Variants in AUTS2 observed in about 807,000 individuals in gnomAD.
AUTS2 encodes the protein autism susceptibility gene 2 protein.
Under a neutral mutation model 112.4 loss-of-function variants are expected in AUTS2, and 17 were observed. The ratio of observed to expected loss-of-function variants is 0.15; its 90% confidence interval spans 0.10 to 0.23. The LOEUF (loss-of-function observed/expected upper bound fraction) is 0.23. Ranked by LOEUF, AUTS2 falls within the 10% of genes least tolerant of loss-of-function variation. AUTS2 has a pLI of 1.00. For missense variants in AUTS2, 1,510 were observed against 1,701.6 expected (o/e 0.89, Z 1.98); for synonymous variants, 751 against 702.7 (o/e 1.07, Z -1.09).
At chr7:69,701,406 C>T (rs933526250) in intron 1 of AUTS2, among the ~76,000 whole-genome samples, 1 of 152,148 alleles carries the variant, frequency 6.6e-6, no homozygotes, top group Non-Finnish European at 1.5e-5. Flanking sequence ...TTTGAGTGCT[C>T]AGCAAGTGCC....
chr7:70,268,166 T>C (rs1787525545), intron 4 of AUTS2, among the ~76,000 whole-genome samples: 1 of 152,194 alleles, frequency 6.6e-6, no homozygotes, highest in South Asian at 2.1e-4. Flanking sequence ...CCTTGAAGAC[T>C]AGAGCATGGG....
intron 2 of AUTS2, among the ~76,000 whole-genome samples, chr7:70,048,117 A>G (rs1257106135): frequency 6.6e-6 from 1 of 152,178 alleles, no homozygotes; most frequent in Non-Finnish European, 1.5e-5. Context: ...GGGATTTCCA[A>G]ACACCTTAGC....
intron 5 of AUTS2, among the ~76,000 whole-genome samples, chr7:70,693,803 A>T (rs1179407907): frequency 6.6e-6 from 1 of 152,122 alleles, no homozygotes; most frequent in Admixed American, 6.5e-5. Flanking sequence ...AACTGCGGGG[A>T]GGGCGAGGAG....
Position 69,944,557 on chromosome 7 carries a change from G to A in AUTS2, c.522+45059G>A, listed in dbSNP as rs558414163. 8.5e-5 allele frequency among the ~76,000 whole-genome samples: 13 copies of A among 152,222 alleles called. No individual in the cohort carries two copies. The South Asian group carries it at 2.7e-3, about 32-fold the overall frequency. On this transcript the variant is annotated intron_variant, in intron 2 of 18. Transcript: ENST00000342771. The stretch of plus-strand genomic sequence containing the variant: ...ATCTTTGAATTTCACTATAGTAACC[G>A]AGTTACAAAATGGGCCACTGGGTCT...
At chr7:69,876,426 TTATA>T (rs1793783314) in intron 1 of AUTS2, among the ~76,000 whole-genome samples, 1 of 105,582 alleles carries the variant, frequency 9.5e-6, no homozygotes, top group Non-Finnish European at 1.9e-5. Flanking sequence ...TATTTTATAT[TTATA>T]TATATTTTGA....
chr7:70,606,586 C>T (rs38301), intron 5 of AUTS2, among the ~76,000 whole-genome samples: 7,222 of 152,172 alleles, frequency 0.047, 221 homozygotes, highest in Non-Finnish European at 0.067. Flanking sequence ...TGGGGCCAGA[C>T]GTGGTGGCTC....
chr7:69,965,740 A>T (rs1026792545), intron 2 of AUTS2, among the ~76,000 whole-genome samples: 1 of 152,086 alleles, frequency 6.6e-6, no homozygotes, highest in Non-Finnish European at 1.5e-5. Flanking sequence ...TTTGGTGTGA[A>T]TTCCATAGAC....
intron 4 of AUTS2, among the ~76,000 whole-genome samples, chr7:70,386,197 T>C (rs1793599363): frequency 6.6e-6 from 1 of 152,186 alleles, no homozygotes; most frequent in African/African-American, 2.4e-5. Context: ...CCCTGGGCCA[T>C]CTGTCTAAAA....
At chr7:70,728,707 CAAAAAAAAAAA>C (rs55878540) in intron 6 of AUTS2, among the ~76,000 whole-genome samples, 2 of 81,628 alleles carry the variant, frequency 2.5e-5, no homozygotes, top group Non-Finnish European at 4.7e-5. Context: ...GACTCTGTCT[CAAAAAAAAAAA>C]AAAAAAAAAA....
chr7:70,195,449 C>T (rs1810122837), intron 4 of AUTS2, among the ~76,000 whole-genome samples: 1 of 152,092 alleles, frequency 6.6e-6, no homozygotes. Flanking sequence ...GAGTTCAAGA[C>T]CAGCCTGGCC....
At chr7:70,729,558 G>C (rs1585584432) in intron 6 of AUTS2, among the ~76,000 whole-genome samples, 1 of 152,216 alleles carries the variant, frequency 6.6e-6, no homozygotes, top group Non-Finnish European at 1.5e-5. Flanking sequence ...GTAGGACCCA[G>C]GTCTTACTCT....
intron 5 of AUTS2, among the ~76,000 whole-genome samples, chr7:70,588,492 A>T (rs1365507830): frequency 6.6e-6 from 1 of 152,166 alleles, no homozygotes; most frequent in African/African-American, 2.4e-5. Context: ...AAAGAAACAG[A>T]GCTGTGATAG....
intron 2 of AUTS2, among the ~76,000 whole-genome samples, chr7:69,945,119 C>T (rs575737297): frequency 6.6e-6 from 1 of 152,262 alleles, no homozygotes; most frequent in Non-Finnish European, 1.5e-5. Context: ...AAATATATTT[C>T]ACATACCATA....
chr7:70,193,357 A>AT (rs1279809807), intron 4 of AUTS2, among the ~76,000 whole-genome samples: 28 of 152,220 alleles, frequency 1.8e-4, no homozygotes, highest in African/African-American at 6.3e-4. Context: ...ATGCAAATAG[A>AT]TTTGTATCTT....
chr7:69,772,103 A>G (rs559209150), intron 1 of AUTS2, among the ~76,000 whole-genome samples: 4 of 151,228 alleles, frequency 2.6e-5, no homozygotes, highest in East Asian at 3.9e-4. Flanking sequence ...GACTTTTTTT[A>G]CTGAGAAGAA....
At chr7:70,528,779 G>T (rs1275604606) in intron 5 of AUTS2, among the ~76,000 whole-genome samples, 1 of 150,876 alleles carries the variant, frequency 6.6e-6, no homozygotes, top group Non-Finnish European at 1.5e-5. Context: ...CTGCATTCTA[G>T]TCTGGGCATC....
At chr7:70,261,283 T>C (rs912793258) in intron 4 of AUTS2, among the ~76,000 whole-genome samples, 3 of 152,160 alleles carry the variant, frequency 2.0e-5, no homozygotes, top group Non-Finnish European at 4.4e-5. Context: ...ACAAAACTTA[T>C]CTGTAGTAAC....
intron 2 of AUTS2, among the ~76,000 whole-genome samples, chr7:70,062,634 A>G (rs935823305): frequency 2.6e-5 from 4 of 152,134 alleles, no homozygotes; most frequent in African/African-American, 9.7e-5. Context: ...TATCCCCATT[A>G]TGACATTTCT....
intron 2 of AUTS2, among the ~76,000 whole-genome samples, chr7:69,917,977 G>A (rs1296740564): frequency 2.0e-5 from 3 of 152,108 alleles, no homozygotes; most frequent in East Asian, 1.9e-4. Flanking sequence ...CTAGTAGCTG[G>A]GACTACAGGT....
Sources: gnomAD v4.1 joint callset for allele counts (sites outside exome capture counted in the v4.1 genomes callset) on GRCh38, gnomAD v4.1.1 for gene constraint, MANE v1.5 for transcripts, NCBI Gene and HGNC (gene_info 2026-07-23, HGNC 2026-07-21) for gene names.